The following ATP11C variants were observed in gnomAD, a reference collection of about 807,000 sequenced individuals.
ATP11C encodes the protein ATPase phospholipid transporting 11C (ATP11C blood group), also known as phospholipid-transporting ATPase IG.
Under a neutral mutation model 97.4 loss-of-function variants are expected in ATP11C, and 36 were observed. The ratio of observed to expected loss-of-function variants is 0.37; its 90% CI spans 0.28 to 0.49. ATP11C has a LOEUF of 0.49. Ranked by LOEUF, ATP11C falls within the 20% of genes least tolerant of loss-of-function variation. ATP11C has a pLI of 0.98. For missense variants in ATP11C, 730 were observed against 824.6 expected, an observed-to-expected ratio of 0.89 and a Z score of 1.40; for synonymous variants, 275 against 290.9, an observed-to-expected ratio of 0.95 and a Z score of 0.56.
intron 12 of ATP11C, among the ~76,000 whole-genome samples, chrX:139,790,022 T>A (rs746664096): frequency 9.3e-6 from 1 of 107,320 alleles, no homozygotes; most frequent in South Asian, 4.2e-4. Flanking sequence ...AGAGTGAGAC[T>A]CTGTCTCAGG....
intron 19 of ATP11C, 70 bp downstream of exon 19, chrX:139,774,619 CT>C (rs780699836): frequency 3.6e-5 from 35 of 960,689 alleles, no homozygotes; most frequent in Non-Finnish European, 4.9e-5. Flanking sequence ...AAAATGAAGC[CT>C]TTTGTATATG....
intron 20 of ATP11C, among the ~76,000 whole-genome samples, chrX:139,765,169 T>C (rs1359059881): frequency 9.0e-6 from 1 of 111,376 alleles, no homozygotes; most frequent in Non-Finnish European, 1.9e-5. Flanking sequence ...ACATGGACTT[T>C]TTCACTCAGC....
intron 28 of ATP11C, among the ~76,000 whole-genome samples, chrX:139,736,536 T>C (rs915788735): frequency 2.7e-5 from 3 of 111,787 alleles, no homozygotes; most frequent in African/African-American, 9.7e-5. Context: ...AACATTATTT[T>C]ATTTGGTTTC....
At chrX:139,740,105 A>C (rs1654289069) in intron 27 of ATP11C, among the ~76,000 whole-genome samples, 1 of 111,553 alleles carries the variant, frequency 9.0e-6, no homozygotes, top group African/African-American at 3.2e-5. Context: ...TTTGTATGTA[A>C]GATTTTGCTC....
At chrX:139,770,652 G>T (rs1025508358) in intron 19 of ATP11C, among the ~76,000 whole-genome samples, 1 of 111,094 alleles carries the variant, frequency 9.0e-6, no homozygotes, top group African/African-American at 3.3e-5. Context: ...TGATTTGAAG[G>T]GGAAAGGGCA....
chrX:139,852,468 G>T (rs1189309327), intron 1 of ATP11C, among the ~76,000 whole-genome samples: 1 of 23,286 alleles, frequency 4.3e-5, no homozygotes, highest in Admixed American at 4.6e-4. Context: ...GGGGGGGGGG[G>T]GGGGGGGGGG....
At chrX:139,877,049 G>A (rs187995958) in intron 1 of ATP11C, among the ~76,000 whole-genome samples, 1 of 112,123 alleles carries the variant, frequency 8.9e-6, no homozygotes, top group African/African-American at 3.2e-5. Flanking sequence ...ACACTCATGT[G>A]AGACTAGACT....
At chrX:139,781,610 C>T (rs1022802025) in intron 18 of ATP11C, among the ~76,000 whole-genome samples, 6 of 111,272 alleles carry the variant, frequency 5.4e-5, no homozygotes, top group Admixed American at 9.5e-5. Flanking sequence ...CTAGCTACCC[C>T]GGTGGCTGAG....
rs961878216 is a variant in ATP11C, at chrX:139,726,873, C to A, written c.*2093G>T. ...TATTTCAAGTTATTCGATCTGCTAA[C>A]CCCACACTGGCCAGTTTTTAGCTCT... On this transcript the variant is annotated 3_prime_UTR_variant, in exon 30 of 30. Coordinates refer to ENST00000682941, the MANE Select transcript of ATP11C (RefSeq NM_001353812.2). The A allele has an allele frequency of 5.4e-5, 6 of 111,577 alleles. No homozygotes were observed. Among genetic ancestry groups the A allele is most frequent in the Non-Finnish European group, 1.1e-4 (6 of 53,034 alleles). The allele number at this position is 111,577 out of a possible 1,213,427, so 9.2% of individuals were successfully genotyped here. A position where few individuals can be genotyped will look rare whatever the true frequency, so the allele number is the denominator to read the frequency against.
chrX:139,740,349 C>T (rs1368286948), intron 27 of ATP11C, among the ~76,000 whole-genome samples: 3 of 111,811 alleles, frequency 2.7e-5, no homozygotes, highest in Non-Finnish European at 5.7e-5. Flanking sequence ...ACAGTCTAGT[C>T]ATCTCTCTAA....
rs766752154 is a variant in ATP11C, at chrX:139,789,529, T to C, written c.1207-41A>G. 12 of 1,069,666 alleles carry C rather than the reference T, an allele frequency of 1.1e-5. No homozygotes were observed. In the East Asian group the frequency reaches 3.2e-4, roughly 29 times the overall value. The allele number at this position is 1,069,666 out of a possible 1,213,427, so 88.2% of individuals were successfully genotyped here. A position where few individuals can be genotyped will look rare whatever the true frequency, so the allele number is the denominator to read the frequency against. On this transcript the variant is annotated intron_variant, in intron 12 of 29. Coordinates refer to ENST00000682941, the MANE Select transcript of ATP11C (RefSeq NM_001353812.2). ...AAACATATATTGTTAGTTTCTTCAG[T>C]GTGACTAATTTTTAGTTTGCTGTAA...
chrX:139,791,981 T>C (rs994542023), intron 12 of ATP11C, among the ~76,000 whole-genome samples: 18 of 110,983 alleles, frequency 1.6e-4, no homozygotes, highest in Non-Finnish European at 1.3e-4. Flanking sequence ...GATAACAGTG[T>C]TTTTGCATGC....
chrX:139,883,471 G>A (rs2084592448), intron 1 of ATP11C, among the ~76,000 whole-genome samples: 1 of 111,353 alleles, frequency 9.0e-6, no homozygotes, highest in South Asian at 3.7e-4. Context: ...TGGGACAAAG[G>A]TAGTCATTAG....
chrX:139,815,840 T>A (rs1039591938), intron 4 of ATP11C, among the ~76,000 whole-genome samples: 6 of 111,168 alleles, frequency 5.4e-5, no homozygotes, highest in African/African-American at 2.0e-4. Flanking sequence ...CTGTCCTCTT[T>A]ATGACAATGC....
chrX:139,927,464 C>T (rs894413673), intron 1 of ATP11C, among the ~76,000 whole-genome samples: 5 of 110,629 alleles, frequency 4.5e-5, no homozygotes, highest in Middle Eastern at 4.6e-3. Flanking sequence ...ATTAGCCAGG[C>T]GTGGTGGCAG....
chrX:139,910,888 T>G (rs1370856263), intron 1 of ATP11C, among the ~76,000 whole-genome samples: 5 of 111,021 alleles, frequency 4.5e-5, no homozygotes, highest in African/African-American at 6.5e-5. Flanking sequence ...CAGTCACATA[T>G]CCGAAATCTA....
intron 5 of ATP11C, among the ~76,000 whole-genome samples, chrX:139,809,688 G>T (rs750070039): frequency 3.3e-4 from 37 of 112,262 alleles, no homozygotes; most frequent in African/African-American, 1.1e-3. Context: ...ATGGGGCCTG[G>T]CGCGGTGGCT....
chrX:139,932,073 G>A lies in ATP11C; in HGVS notation c.-31C>T. On this transcript the variant is annotated 5_prime_UTR_variant, in exon 1 of 30. Transcript: ENST00000682941. Reference sequence around the variant, plus strand: ...CGAAGGCTGCCGGGCGCTGAGCTGGGCTCTACCGGGCTGTCTGGGAAGGCG... The same window carrying A: ...CGAAGGCTGCCGGGCGCTGAGCTGGACTCTACCGGGCTGTCTGGGAAGGCG... The A allele has an allele frequency of 8.8e-7, 1 of 1,140,011 alleles. No homozygotes were observed. Among genetic ancestry groups the A allele is most frequent in the East Asian group, 3.4e-5 (1 of 29,458 alleles). The allele number at this position is 1,140,011 out of a possible 1,213,427, so 93.9% of individuals were successfully genotyped here. A position where few individuals can be genotyped will look rare whatever the true frequency, so the allele number is the denominator to read the frequency against.
At chrX:139,782,269 G>C (rs1260072950) in intron 18 of ATP11C, among the ~76,000 whole-genome samples, 1 of 108,158 alleles carries the variant, frequency 9.2e-6, no homozygotes, top group African/African-American at 3.4e-5. Context: ...GGAGCTGGCA[G>C]TGAGCCAAGA....
Sources: allele counts gnomAD v4.1 joint callset (sites outside exome capture counted in the v4.1 genomes callset), GRCh38; gene constraint gnomAD v4.1.1; transcripts MANE v1.5; gene names NCBI Gene and HGNC (gene_info 2026-07-23, HGNC 2026-07-21).